BRINP2: variants seen among roughly 807,000 people sequenced by gnomAD.
BRINP2 encodes the protein BMP/retinoic acid inducible neural specific 2, also known as BMP/retinoic acid-inducible neural-specific protein 2.
A neutral mutation model predicts 69.2 loss-of-function variants in BRINP2; 21 were observed. The observed-to-expected ratio is 0.30, with a 90% CI of 0.22 to 0.44. The LOEUF is 0.44. BRINP2 is among the 20% of genes least tolerant of loss of function. The probability of loss-of-function intolerance (pLI) is 1.00; values close to 1 mark genes in which losing one functional copy is unlikely to be tolerated. For synonymous variants in BRINP2, 380 were observed against 394.1 expected, an observed-to-expected ratio of 0.96 and a Z score of 0.42; for missense variants, 877 against 986.0, an observed-to-expected ratio of 0.89 and a Z score of 1.48.
chr1:177,171,116 G>C lies in BRINP2; in HGVS notation c.-693G>C, dbSNP rs145019681. Among the ~76,000 whole-genome samples, 1 of 152,226 alleles carries C rather than the reference G, an allele frequency of 6.6e-6. No homozygotes were observed. The highest frequency in any genetic ancestry group is 1.9e-4 in the East Asian group (1 of 5,192). On this transcript the variant is annotated 5_prime_UTR_variant, in exon 1 of 8. Transcript: ENST00000361539. Reference sequence around the variant, plus strand: ...CGGAGGATCCCATTAGGACTTGCCCGGGGATGTGCACCTGCCGTGCGCTCC... The same window carrying C: ...CGGAGGATCCCATTAGGACTTGCCCCGGGATGTGCACCTGCCGTGCGCTCC...
Position 177,176,347 on chromosome 1 carries a change from G to T in BRINP2, c.-77+4615G>T, listed in dbSNP as rs115996912. ...TTGAAGACTTGGTTTGAAAAGAAAA[G>T]CAATGTAAAATATCTCATCAATATT... On this transcript the variant is annotated intron_variant, in intron 1 of 7. Coordinates refer to ENST00000361539, the MANE Select transcript of BRINP2 (RefSeq NM_021165.4). Among the ~76,000 whole-genome samples, 1,512 of 152,044 alleles carry T rather than the reference G, an allele frequency of 9.9e-3. 25 individuals are homozygous for T. The highest frequency in any genetic ancestry group is 0.035 in the African/African-American group (1,438 of 41,472).
intron 2 of BRINP2, among the ~76,000 whole-genome samples, chr1:177,244,687 G>A (rs776917450): frequency 6.6e-6 from 1 of 151,930 alleles, no homozygotes; most frequent in Non-Finnish European, 1.5e-5. Context: ...GTGCAGGTTC[G>A]CCGGGTTAGC....
chr1:177,235,544 T>C (rs573708870), intron 2 of BRINP2, among the ~76,000 whole-genome samples: 16 of 151,810 alleles, frequency 1.1e-4, no homozygotes, highest in African/African-American at 1.9e-4. Flanking sequence ...TCCCGGGAGA[T>C]GGGGAAGTGA....
chr1:177,222,716 G>T (rs1026721964), intron 1 of BRINP2, among the ~76,000 whole-genome samples: 5 of 151,278 alleles, frequency 3.3e-5, no homozygotes, highest in African/African-American at 1.2e-4. Context: ...AAAAGAAAAA[G>T]AAAAAAACAA....
At position 177,278,595 on chromosome 1, in the gene BRINP2, G is replaced by A. The variant is rs757412980; in HGVS notation, c.1045G>A (p.Asp349Asn). The change falls in exon 7 of 8, where the codon GAT becomes AAT. Residue 349 changes from aspartate (D) to asparagine (N), a missense_variant. Asp to Asn is a conservative substitution (Grantham distance 23, BLOSUM62 1). This residue lies in a region of BRINP2 where 566 missense variants were observed against 625.2 expected (regional missense o/e 0.91). Transcript: ENST00000361539. ...CCAGGCCCTGCTGAAAAGGCTGCCC[G>A]ATGACCGGTTCCTGAACTCCACAGC... ...EFQALLKRLP[D>N]DRFLNSTAIS... 47 of 1,614,076 alleles carry A rather than the reference G, an allele frequency of 2.9e-5. No individual in the cohort carries two copies. Among genetic ancestry groups the A allele is most frequent in the East Asian group, 4.5e-5 (2 of 44,884 alleles).
At chr1:177,267,631 T>C (rs1178644440) in intron 4 of BRINP2, among the ~76,000 whole-genome samples, 3 of 152,212 alleles carry the variant, frequency 2.0e-5, no homozygotes, top group African/African-American at 7.2e-5. Flanking sequence ...AGTATCATAG[T>C]TTTCAATTCT....
chr1:177,187,166 C>T (rs914778662), intron 1 of BRINP2, among the ~76,000 whole-genome samples: 1 of 152,158 alleles, frequency 6.6e-6, no homozygotes, highest in Non-Finnish European at 1.5e-5. Context: ...AGTGCCTTTT[C>T]CCCTTCTACC....
At chr1:177,210,538 C>T (rs1432133675) in intron 1 of BRINP2, among the ~76,000 whole-genome samples, 1 of 152,086 alleles carries the variant, frequency 6.6e-6, no homozygotes, top group African/African-American at 2.4e-5. Flanking sequence ...AAATATAGAC[C>T]TGTCCAGCCC....
chr1:177,258,331 TCA>T (rs1365404177), intron 4 of BRINP2, among the ~76,000 whole-genome samples: 1 of 152,250 alleles, frequency 6.6e-6, no homozygotes, highest in African/African-American at 2.4e-5. Flanking sequence ...CATGTGAAAC[TCA>T]CAAGCAAATT....
Position 177,171,706 on chromosome 1 carries a change from C to G in BRINP2, c.-103C>G, listed in dbSNP as rs1336437411. The G allele has an allele frequency of 6.6e-6, 1 of 152,256 alleles. No homozygotes were observed. Among genetic ancestry groups the G allele is most frequent in the East Asian group, 1.9e-4 (1 of 5,188 alleles). 9.4% of individuals were successfully genotyped at this position (152,256 alleles called of 1,614,324 possible). A position where few individuals can be genotyped will look rare whatever the true frequency, so the allele number is the denominator to read the frequency against. The stretch of plus-strand genomic sequence containing the variant: ...AAGGTTTGGGGAGCAGCTGATACAG[C>G]AAGGAGGGCTCTTGCAAGGATTCAA... On this transcript the variant is annotated 5_prime_UTR_variant, in exon 1 of 8. Transcript: ENST00000361539.
At chr1:177,276,155 C>A in intron 5 of BRINP2, 43 bp from the exon 6 acceptor site, 1 of 1,563,350 alleles carries the variant, frequency 6.4e-7, no homozygotes, top group South Asian at 1.2e-5. Flanking sequence ...ACTGAGTCCT[C>A]ACTGGTTCTT....
intron 1 of BRINP2, among the ~76,000 whole-genome samples, chr1:177,202,538 CTA>C (rs1648945881): frequency 6.6e-6 from 1 of 152,126 alleles, no homozygotes; most frequent in Admixed American, 6.5e-5. Context: ...ATCCTGAGTT[CTA>C]GTTTGATTGC....
intron 4 of BRINP2, among the ~76,000 whole-genome samples, chr1:177,269,254 C>T (rs1651230936): frequency 6.6e-6 from 1 of 152,228 alleles, no homozygotes; most frequent in Non-Finnish European, 1.5e-5. Flanking sequence ...GTGAATATCA[C>T]TCTTGGCTCT....
chr1:177,198,805 A>G (rs1241663342), intron 1 of BRINP2, among the ~76,000 whole-genome samples: 1 of 152,212 alleles, frequency 6.6e-6, no homozygotes, highest in Non-Finnish European at 1.5e-5. Context: ...ATGCTGCTAG[A>G]AAAGTCAGGT....
At chr1:177,275,635 C>G (rs570393296) in intron 5 of BRINP2, among the ~76,000 whole-genome samples, 1 of 152,210 alleles carries the variant, frequency 6.6e-6, no homozygotes, top group Non-Finnish European at 1.5e-5. Context: ...TACCTGGGCA[C>G]TGTATCCCCA....
chr1:177,275,382 T>C (rs1230415577), intron 5 of BRINP2, among the ~76,000 whole-genome samples: 1 of 152,184 alleles, frequency 6.6e-6, no homozygotes, highest in African/African-American at 2.4e-5. Context: ...TCTCAGGGCA[T>C]TGACCACCAT....
chr1:177,274,967 G>T (rs987858270), intron 5 of BRINP2, among the ~76,000 whole-genome samples: 1 of 152,308 alleles, frequency 6.6e-6, no homozygotes, highest in Non-Finnish European at 1.5e-5. Context: ...TGAGTTCTCT[G>T]GTTTCCTGCC....
In BRINP2 at chr1:177,183,969, A is replaced by G. The variant is rs191772363; in HGVS notation, c.-77+12237A>G. 3.7e-3 allele frequency among the ~76,000 whole-genome samples: 563 copies of G among 152,208 alleles called. 2 individuals carry two copies. Among genetic ancestry groups the G allele is most frequent in the Middle Eastern group, 0.01 (3 of 294 alleles). ...CATTCAATGAGAAATAATTATGAAA[A>G]CTTTTTTAAAGAGAGAGATAAGTGC... is the stretch of plus-strand genomic sequence containing the variant. On this transcript the variant is annotated intron_variant, in intron 1 of 7. Transcript: ENST00000361539.
intron 2 of BRINP2, among the ~76,000 whole-genome samples, chr1:177,231,229 G>C (rs1558168691): frequency 6.6e-6 from 1 of 152,150 alleles, no homozygotes; most frequent in East Asian, 1.9e-4. Context: ...TTACAGATGG[G>C]GAAATTGAGG....
Sources: gnomAD v4.1 joint callset for allele counts (sites outside exome capture counted in the v4.1 genomes callset) on GRCh38, gnomAD v4.1.1 for gene constraint, gnomAD v4.1.1 regional missense constraint, MANE v1.5 for transcripts, NCBI Gene and HGNC (gene_info 2026-07-23, HGNC 2026-07-21) for gene names.